Variants in GATAD2A observed in about 807,000 individuals in gnomAD.
The protein encoded by GATAD2A is transcriptional repressor p66-alpha.
In GATAD2A, 12 loss-of-function variants were observed where a neutral mutation model predicts 68.5. The ratio of observed to expected loss-of-function variants is 0.18; its 90% CI spans 0.11 to 0.28. The LOEUF is 0.28. Among genes scored for constraint, GATAD2A ranks in the 10% least tolerant of loss-of-function variants. GATAD2A has a pLI of 1.00. For missense variants in GATAD2A, 755 were observed against 868.5 expected (o/e 0.87, Z 1.64); for synonymous variants, 410 against 375.3 (o/e 1.09, Z -1.07).
At chr19:19,409,844 C>T (rs558943536) in intron 1 of GATAD2A, among the ~76,000 whole-genome samples, 5 of 152,280 alleles carry the variant, frequency 3.3e-5, no homozygotes, top group African/African-American at 7.2e-5. Flanking sequence ...AGTGTCAGAC[C>T]GTTGGCTTCT....
At chr19:19,492,883 C>A (rs4808964) in intron 4 of GATAD2A, among the ~76,000 whole-genome samples, 171 bp downstream of exon 4, 64,693 of 151,182 alleles carry the variant, frequency 0.43, 15,171 homozygotes, top group African/African-American at 0.62. Flanking sequence ...ATTCAGCTTA[C>A]AAGATGTTAA....
intron 6 of GATAD2A, 60 bp from the exon 7 acceptor site, chr19:19,495,992 G>A (rs889262409): frequency 1.1e-5 from 18 of 1,588,584 alleles, no homozygotes; most frequent in Middle Eastern, 1.7e-4. Context: ...TGTGCCTTCC[G>A]GTCCCGCTCC....
intron 2 of GATAD2A, among the ~76,000 whole-genome samples, chr19:19,482,979 C>T (rs764935613): frequency 1.3e-5 from 2 of 152,220 alleles, no homozygotes; most frequent in Admixed American, 6.5e-5. Context: ...TGCACGCCCC[C>T]GAGACTGGCC....
intron 1 of GATAD2A, among the ~76,000 whole-genome samples, chr19:19,430,050 A>AT (rs1396270288): frequency 6.6e-6 from 1 of 151,974 alleles, no homozygotes. Flanking sequence ...TTTCCTCCTG[A>AT]TCCCCCTTCA....
intron 1 of GATAD2A, among the ~76,000 whole-genome samples, chr19:19,424,822 A>G (rs1411929308): frequency 1.3e-5 from 2 of 151,942 alleles, no homozygotes; most frequent in African/African-American, 4.8e-5. Context: ...CTGCTTGAAA[A>G]ACAAACTTGA....
chr19:19,451,919 G>T (rs1182056970), intron 1 of GATAD2A, among the ~76,000 whole-genome samples: 1 of 152,216 alleles, frequency 6.6e-6, no homozygotes, highest in Middle Eastern at 3.2e-3. Context: ...GATCATTGCA[G>T]CCTTGAACCC....
chr19:19,502,135 G>A (rs991339984), intron 10 of GATAD2A, 92 bp downstream of exon 10: 1 of 993,722 alleles, frequency 1.0e-6, no homozygotes, highest in Non-Finnish European at 1.6e-6. Flanking sequence ...TCTTCTGTCT[G>A]TCTCTCCCTG....
chr19:19,476,431 G>A (rs1333162319), intron 2 of GATAD2A, among the ~76,000 whole-genome samples: 2 of 152,198 alleles, frequency 1.3e-5, no homozygotes, highest in African/African-American at 4.8e-5. Context: ...CTCCTGTAGC[G>A]GGTTATTTAA....
chr19:19,496,284 C>G (rs1396771014), intron 7 of GATAD2A, 65 bp downstream of exon 7: 1 of 1,450,722 alleles, frequency 6.9e-7, no homozygotes, highest in African/African-American at 1.4e-5. Context: ...TCCCCTTGGA[C>G]CCAGGTTCTG....
intron 2 of GATAD2A, among the ~76,000 whole-genome samples, chr19:19,479,771 C>T (rs2058925343): frequency 6.6e-6 from 1 of 152,010 alleles, no homozygotes; most frequent in Non-Finnish European, 1.5e-5. Context: ...TCCCTCCTTC[C>T]CCTGCTCCAC....
In GATAD2A at chr19:19,465,359, C is replaced by T; in HGVS notation, c.14C>T (p.Ala5Val). The T allele has an allele frequency of 6.2e-7, 1 of 1,613,840 alleles. No homozygotes were observed. The highest frequency in any genetic ancestry group is 1.6e-4 in the Middle Eastern group (1 of 6,062). ...CCCAAGTTCAGAATGACCGAAGAAG[C>T]ATGCCGAACACGGAGTCAGAAACGA... is the stretch of plus-strand genomic sequence containing the variant. MTEE[A>V]CRTRSQKRAL... Residue 5 changes from alanine to valine, a missense_variant, in exon 2 of 12, where the codon GCA becomes GTA. Ala to Val is a moderately conservative substitution (Grantham distance 64). Coordinates refer to ENST00000683918, the MANE Select transcript of GATAD2A (RefSeq NM_001384528.1).
chr19:19,446,520 G>T (rs1396197287), intron 1 of GATAD2A, among the ~76,000 whole-genome samples: 3 of 151,544 alleles, frequency 2.0e-5, no homozygotes, highest in African/African-American at 4.9e-5. Flanking sequence ...TTGCACAAAA[G>T]ATTTTAATTT....
chr19:19,415,771 C>G (rs1174782265), intron 1 of GATAD2A, among the ~76,000 whole-genome samples: 1 of 151,992 alleles, frequency 6.6e-6, no homozygotes, highest in East Asian at 1.9e-4. Flanking sequence ...GCACATGCCA[C>G]CACGCCTAGC....
chr19:19,443,198 GGTTCCAGACTGTAA>G (rs1163861703), intron 1 of GATAD2A, among the ~76,000 whole-genome samples: 2 of 152,088 alleles, frequency 1.3e-5, no homozygotes, highest in Non-Finnish European at 2.9e-5. Flanking sequence ...TGAATTGAGG[GGTTCCAGACTGTAA>G]GGTCCAGACA....
At chr19:19,449,956 T>C (rs1279944758) in intron 1 of GATAD2A, among the ~76,000 whole-genome samples, 5 of 105,196 alleles carry the variant, frequency 4.8e-5, no homozygotes, top group Non-Finnish European at 1.1e-4. Context: ...TTATCTTATA[T>C]TAAAAGGTTT....
intron 2 of GATAD2A, among the ~76,000 whole-genome samples, chr19:19,474,733 G>T (rs991265370): frequency 6.6e-6 from 1 of 152,250 alleles, no homozygotes; most frequent in Admixed American, 6.5e-5. Flanking sequence ...GTTACAAATT[G>T]TGTGTGTGGT....
chr19:19,455,190 TAAA>T (rs1432205286), intron 1 of GATAD2A, among the ~76,000 whole-genome samples: 5 of 151,280 alleles, frequency 3.3e-5, no homozygotes, highest in African/African-American at 1.2e-4. Context: ...CCCCATCTCT[TAAA>T]AAAATTTTTT....
At chr19:19,389,952 C>T (rs1333751131) in intron 1 of GATAD2A, among the ~76,000 whole-genome samples, 1 of 152,012 alleles carries the variant, frequency 6.6e-6, no homozygotes, top group African/African-American at 2.4e-5. Context: ...TTGGTAGAGA[C>T]GAGGTCTCAC....
At chr19:19,451,927 C>T (rs1314116811) in intron 1 of GATAD2A, among the ~76,000 whole-genome samples, 2 of 152,158 alleles carry the variant, frequency 1.3e-5, no homozygotes, top group Admixed American at 6.5e-5. Context: ...CAGCCTTGAA[C>T]CCATGGACTC....
Sources: allele counts gnomAD v4.1 joint callset (sites outside exome capture counted in the v4.1 genomes callset), GRCh38; gene constraint gnomAD v4.1.1; transcripts MANE v1.5; gene names NCBI Gene and HGNC (gene_info 2026-07-23, HGNC 2026-07-21).